The following AK5 variants were observed in gnomAD, a reference collection of about 807,000 sequenced individuals.
AK5 encodes adenylate kinase 5.
In AK5, 27 loss-of-function variants were observed where a neutral mutation model predicts 69.5. The ratio of observed to expected loss-of-function variants is 0.39; its 90% CI spans 0.29 to 0.54. The LOEUF is 0.54. Among genes scored for constraint, AK5 ranks in the 20% least tolerant of loss-of-function variants. The pLI is 0.71. For synonymous variants in AK5, 260 were observed against 244.4 expected (o/e 1.06, Z -0.60); for missense variants, 531 against 700.4 (o/e 0.76, Z 2.73).
intron 8 of AK5, among the ~76,000 whole-genome samples, chr1:77,472,140 A>C (rs1338228590): frequency 6.6e-6 from 1 of 152,252 alleles, no homozygotes; most frequent in Non-Finnish European, 1.5e-5. Flanking sequence ...CAAGTAACCT[A>C]GCTAAAATTG....
chr1:77,410,585 GTGTTTTTGTTTT>G (rs57512332), intron 6 of AK5, among the ~76,000 whole-genome samples: 15 of 150,830 alleles, frequency 9.9e-5, no homozygotes, highest in African/African-American at 3.7e-4. Flanking sequence ...CAGCCTCTTT[GTGTTTTTGTTTT>G]TGTTTTTGTT....
intron 6 of AK5, among the ~76,000 whole-genome samples, chr1:77,396,600 T>C (rs922931362): frequency 6.6e-6 from 1 of 152,146 alleles, no homozygotes; most frequent in Non-Finnish European, 1.5e-5. Flanking sequence ...AAAATGAGGA[T>C]GGTTGTTTAA....
At chr1:77,431,289 A>C (rs1297377295) in intron 8 of AK5, among the ~76,000 whole-genome samples, 1 of 152,208 alleles carries the variant, frequency 6.6e-6, no homozygotes, top group East Asian at 1.9e-4. Context: ...TAGTGACTAG[A>C]AATTTATTTT....
chr1:77,512,300 A>G (rs1225482711), intron 10 of AK5, among the ~76,000 whole-genome samples: 1 of 152,158 alleles, frequency 6.6e-6, no homozygotes, highest in Non-Finnish European at 1.5e-5. Flanking sequence ...TATCTTAAGT[A>G]CCTGCAAGTG....
chr1:77,525,568 A>G (rs74888882), intron 12 of AK5, among the ~76,000 whole-genome samples: 17,658 of 152,060 alleles, frequency 0.12, 1,170 homozygotes, highest in East Asian at 0.26. Flanking sequence ...CACATCTTCC[A>G]TGAACTTAGA....
intron 12 of AK5, among the ~76,000 whole-genome samples, chr1:77,530,433 T>C (rs1658516022): frequency 1.3e-5 from 2 of 152,220 alleles, no homozygotes; most frequent in South Asian, 4.1e-4. Flanking sequence ...GCCACTTTCT[T>C]TTCAGCCAGG....
intron 12 of AK5, 55 bp from the exon 13 acceptor site, chr1:77,535,792 A>G (rs1658924480): frequency 6.5e-7 from 1 of 1,535,614 alleles, no homozygotes. Context: ...GGGCCTTTCC[A>G]GAACATCAGC....
At chr1:77,382,048 C>T (rs780243417) in intron 6 of AK5, among the ~76,000 whole-genome samples, 4 of 152,078 alleles carry the variant, frequency 2.6e-5, no homozygotes, top group African/African-American at 7.2e-5. Flanking sequence ...CTGGAGATCT[C>T]GGACAACCAT....
At chr1:77,368,230 T>TAC (rs1647037500) in intron 6 of AK5, among the ~76,000 whole-genome samples, 1 of 26,486 alleles carries the variant, frequency 3.8e-5, no homozygotes. Context: ...TATATATATA[T>TAC]ATATATATAT....
rs576657135 is a variant in AK5, at chr1:77,301,662, TCTAGCTTTGA to T, written c.699+3718_699+3727del. On this transcript the variant is annotated intron_variant, in intron 5 of 13. Transcript: ENST00000354567. The stretch of plus-strand genomic sequence containing the variant: ...TCTATATATAGTTTTCTTCATCAGG[TCTAGCTTTGA>T]CTTCTCATACTCAGCCACCTGGAAA... Among the ~76,000 whole-genome samples, 558 of 152,300 alleles carry T rather than the reference TCTAGCTTTGA, an allele frequency of 3.7e-3. 4 individuals carry two copies. The highest frequency in any genetic ancestry group is 0.015 in the South Asian group (70 of 4,824).
chr1:77,313,833 A>G (rs746062886), intron 5 of AK5: 3 of 533,218 alleles, frequency 5.6e-6, no homozygotes, highest in Non-Finnish European at 1.2e-5. Context: ...CTGTGCAGTC[A>G]GATCCTCTCC....
At chr1:77,337,642 C>G (rs559906052) in intron 5 of AK5, among the ~76,000 whole-genome samples, 1 of 152,046 alleles carries the variant, frequency 6.6e-6, no homozygotes, top group Non-Finnish European at 1.5e-5. Context: ...ATCTCTTTAT[C>G]ATATATCATA....
chr1:77,461,663 A>T (rs1434215577), intron 8 of AK5, among the ~76,000 whole-genome samples: 1 of 151,744 alleles, frequency 6.6e-6, no homozygotes, highest in East Asian at 2.0e-4. Flanking sequence ...CCAGCTACTC[A>T]GGAGGCTGAG....
At chr1:77,497,508 G>A (rs1448245442) in intron 10 of AK5, among the ~76,000 whole-genome samples, 1 of 152,210 alleles carries the variant, frequency 6.6e-6, no homozygotes, top group African/African-American at 2.4e-5. Context: ...CCACTGGAAG[G>A]AACCAATTCC....
intron 12 of AK5, among the ~76,000 whole-genome samples, chr1:77,532,896 A>G (rs1472450950): frequency 6.6e-6 from 1 of 152,258 alleles, no homozygotes; most frequent in Non-Finnish European, 1.5e-5. Context: ...TTGAAGACTA[A>G]CCACAGTCCG....
chr1:77,398,100 T>C (rs1014806175), intron 6 of AK5, among the ~76,000 whole-genome samples: 1 of 152,040 alleles, frequency 6.6e-6, no homozygotes, highest in African/African-American at 2.4e-5. Context: ...TATTTGGCCA[T>C]GGTAGTTAAC....
rs1350789206 is a variant in AK5 at position 77,282,285 on chromosome 1, T to A, written c.-29T>A. On this transcript the variant is annotated 5_prime_UTR_variant, in exon 1 of 14. In the 5' UTR this introduces an upstream ATG that the reference lacks. Transcript: ENST00000354567. ...CGCCGCAGCCCGGGAGCCTCCCCGC[T>A]TGCGCCCCAAGGCACGCGCGGCACA... 1 of 1,540,312 alleles carries A rather than the reference T, an allele frequency of 6.5e-7. No homozygotes were observed.
intron 5 of AK5, among the ~76,000 whole-genome samples, chr1:77,337,752 A>G (rs1661436414): frequency 6.6e-6 from 1 of 152,184 alleles, no homozygotes; most frequent in Non-Finnish European, 1.5e-5. Context: ...TTGGGAGTTT[A>G]TTCCTTACTT....
At chr1:77,442,913 G>A (rs1391020239) in intron 8 of AK5, among the ~76,000 whole-genome samples, 1 of 152,014 alleles carries the variant, frequency 6.6e-6, no homozygotes, top group Non-Finnish European at 1.5e-5. Context: ...TAAAATTGTG[G>A]GGTTTGCAGA....
Sources: allele counts gnomAD v4.1 joint callset (sites outside exome capture counted in the v4.1 genomes callset), GRCh38; gene constraint gnomAD v4.1.1; transcripts MANE v1.5; gene names NCBI Gene and HGNC (gene_info 2026-07-23, HGNC 2026-07-21).